UBE3C: variants seen among roughly 807,000 people sequenced by gnomAD.
The protein encoded by UBE3C is ubiquitin protein ligase E3C.
In UBE3C, 42 loss-of-function variants were observed where a neutral mutation model predicts 129.4. The observed-to-expected ratio is 0.32, with a 90% CI of 0.25 to 0.42. The LOEUF (loss-of-function observed/expected upper bound fraction) is 0.42. Among genes scored for constraint, UBE3C ranks in the 10% least tolerant of loss-of-function variants. The pLI, the probability that UBE3C is intolerant of heterozygous loss-of-function variation, is 1.00. For synonymous variants in UBE3C, 510 were observed against 492.4 expected (o/e 1.04, Z -0.47); for missense variants, 1,049 against 1,319.1 (o/e 0.80, Z 3.17).
Position 157,217,955 on chromosome 7 carries a change from G to A in UBE3C, c.1914+984G>A, listed in dbSNP as rs556897112. Among the ~76,000 whole-genome samples the A allele has an allele frequency of 1.2e-4, 19 of 152,136 alleles. No homozygotes were observed. In the South Asian group the frequency reaches 3.7e-3, roughly 30 times the overall value. The stretch of plus-strand genomic sequence containing the variant: ...TGAGAATCCCTTGTGCCCTGGAGGC[G>A]GAGGTTGCAGTGAGCCAAGATCGTG... On this transcript the variant is annotated intron_variant, in intron 14 of 22. Transcript: ENST00000348165.
intron 8 of UBE3C, among the ~76,000 whole-genome samples, chr7:157,182,892 G>A (rs1455367290): frequency 2.0e-5 from 3 of 151,990 alleles, no homozygotes; most frequent in Non-Finnish European, 4.4e-5. Context: ...GGGACTACAG[G>A]TGCACGCCAC....
chr7:157,216,013 T>A (rs192555833), intron 13 of UBE3C, among the ~76,000 whole-genome samples: 119 of 152,340 alleles, frequency 7.8e-4, no homozygotes, highest in Admixed American at 9.8e-4. Flanking sequence ...TGTAATTTTT[T>A]AAAACCATAA....
At chr7:157,232,516 ATT>A (rs1796048069) in intron 18 of UBE3C, among the ~76,000 whole-genome samples, 1 of 151,980 alleles carries the variant, frequency 6.6e-6, no homozygotes, top group Non-Finnish European at 1.5e-5. Context: ...CGCCCAGCTA[ATT>A]TTTCTATTTT....
chr7:157,241,240 T>C (rs529854574), intron 18 of UBE3C, among the ~76,000 whole-genome samples: 1 of 152,134 alleles, frequency 6.6e-6, no homozygotes, highest in Non-Finnish European at 1.5e-5. Flanking sequence ...AATCCCGTCT[T>C]AGCTGTGAGA....
At chr7:157,196,985 T>C (rs1289049881) in intron 10 of UBE3C, among the ~76,000 whole-genome samples, 2 of 152,288 alleles carry the variant, frequency 1.3e-5, no homozygotes, top group East Asian at 1.9e-4. Flanking sequence ...AAAGAATTGC[T>C]GAACTTTATG....
intron 10 of UBE3C, 132 bp downstream of exon 10, chr7:157,187,153 A>G: frequency 9.1e-7 from 1 of 1,101,106 alleles, no homozygotes; most frequent in Admixed American, 2.9e-5. Context: ...TCTACTGTCC[A>G]AGCGTTTCAT....
At chr7:157,190,635 CTA>C (rs1491460593) in intron 10 of UBE3C, among the ~76,000 whole-genome samples, 4 of 152,072 alleles carry the variant, frequency 2.6e-5, no homozygotes, top group Admixed American at 2.0e-4. Context: ...GCTGTATTCT[CTA>C]TGTCATGGTT....
chr7:157,173,329 T>C lies in UBE3C; in HGVS notation c.343-1590T>C, dbSNP rs1202894024. On this transcript the variant is annotated intron_variant, in intron 4 of 22. Coordinates refer to ENST00000348165, the MANE Select transcript of UBE3C (RefSeq NM_014671.3). ...TATTCAAGGCTGCAGTGAGCTATGA[T>C]CCTGCGACTGCACTCCAGCCTGGGC... Among the ~76,000 whole-genome samples, 3 of 152,214 alleles carry C rather than the reference T, an allele frequency of 2.0e-5. No individual in the cohort carries two copies. The East Asian group carries it at 5.8e-4, about 29-fold the overall frequency.
At chr7:157,149,346 A>C (rs539190836) in intron 1 of UBE3C, among the ~76,000 whole-genome samples, 1 of 152,156 alleles carries the variant, frequency 6.6e-6, no homozygotes, top group African/African-American at 2.4e-5. Context: ...GTGAGCCACT[A>C]TGCCTGGCCA....
At chr7:157,139,897 T>C in intron 1 of UBE3C, 1 of 630,384 alleles carries the variant, frequency 1.6e-6, no homozygotes, top group Non-Finnish European at 2.0e-6. Flanking sequence ...AGGCAGAACG[T>C]CTCATGAATA....
At chr7:157,181,732 T>C (rs1808672211) in intron 7 of UBE3C, 61 bp downstream of exon 7, 1 of 1,558,908 alleles carries the variant, frequency 6.4e-7, no homozygotes, top group Non-Finnish European at 8.7e-7. Context: ...TGATGGTAAC[T>C]TTTACATAGG....
intron 1 of UBE3C, among the ~76,000 whole-genome samples, chr7:157,156,219 A>G (rs1287025110): frequency 1.3e-5 from 2 of 151,584 alleles, no homozygotes; most frequent in Admixed American, 6.6e-5. Context: ...TTATAAGTAC[A>G]TGGGTGATCA....
intron 1 of UBE3C, among the ~76,000 whole-genome samples, chr7:157,146,953 A>G (rs1807622244): frequency 6.6e-6 from 1 of 152,218 alleles, no homozygotes; most frequent in Non-Finnish European, 1.5e-5. Flanking sequence ...GCCCAACCAT[A>G]GTAAGCATTG....
rs531039211 is a variant in UBE3C at position 157,149,436 on chromosome 7, A to G, written c.66+10098A>G. 8.5e-5 allele frequency among the ~76,000 whole-genome samples: 13 copies of G among 152,282 alleles called. No individual in the cohort carries two copies. In the East Asian group the frequency reaches 1.9e-3, roughly 23 times the overall value. Reference sequence around the variant, plus strand: ...TTGAGACTAATTGTCTCATTGTCTCATTTTCTTTGGACATTAAATCTGGGC... The same window carrying G: ...TTGAGACTAATTGTCTCATTGTCTCGTTTTCTTTGGACATTAAATCTGGGC... On this transcript the variant is annotated intron_variant, in intron 1 of 22. Coordinates refer to ENST00000348165, the MANE Select transcript of UBE3C (RefSeq NM_014671.3).
chr7:157,145,876 C>T (rs960459653), intron 1 of UBE3C, among the ~76,000 whole-genome samples: 1 of 152,106 alleles, frequency 6.6e-6, no homozygotes, highest in Admixed American at 6.6e-5. Context: ...CATCTTGTAT[C>T]TGTGTGGTAC....
intron 19 of UBE3C, among the ~76,000 whole-genome samples, chr7:157,253,085 A>G (rs1452728355): frequency 6.6e-6 from 1 of 152,174 alleles, no homozygotes; most frequent in Admixed American, 6.5e-5. Flanking sequence ...TATTTAAAAT[A>G]CACTCTTTAT....
At chr7:157,178,958 T>G in intron 6 of UBE3C, 111 bp downstream of exon 6, 23 of 1,364,150 alleles carry the variant, frequency 1.7e-5, no homozygotes, top group Non-Finnish European at 2.1e-5. Context: ...AGAGCGGTAC[T>G]GGTGTCCCAG....
intron 1 of UBE3C, among the ~76,000 whole-genome samples, chr7:157,139,549 G>A (rs928615759): frequency 2.0e-5 from 3 of 152,152 alleles, no homozygotes; most frequent in African/African-American, 7.2e-5. Context: ...GAGACTTGGG[G>A]CCAGGACTCT....
At chr7:157,186,236 C>G (rs1808801143) in intron 9 of UBE3C, among the ~76,000 whole-genome samples, 1 of 151,938 alleles carries the variant, frequency 6.6e-6, no homozygotes, top group African/African-American at 2.4e-5. Context: ...CCAGCCTGAC[C>G]AACATGGTGA....
Sources: allele counts gnomAD v4.1 joint callset (sites outside exome capture counted in the v4.1 genomes callset), GRCh38; gene constraint gnomAD v4.1.1; transcripts MANE v1.5; gene names NCBI Gene and HGNC (gene_info 2026-07-23, HGNC 2026-07-21).